The following SH2B2 variants were observed in gnomAD, a reference collection of about 807,000 sequenced individuals.
SH2B2 encodes the protein SH2B adaptor protein 2, also known as SH2B adapter protein 2.
SH2B2 carries 37 observed loss-of-function variants against 35.7 expected under a neutral mutation model. The ratio of observed to expected loss-of-function variants is 1.04; its 90% confidence interval spans 0.80 to 1.36. The LOEUF (loss-of-function observed/expected upper bound fraction) is 1.36. Among genes scored for constraint, SH2B2 ranks in the 40% most tolerant of loss-of-function variants. SH2B2 has a pLI of 0.00. For missense variants in SH2B2, 852 were observed against 817.7 expected, an observed-to-expected ratio of 1.04 and a Z score of -0.51; for synonymous variants, 383 against 376.4, an observed-to-expected ratio of 1.02 and a Z score of -0.20.
chr7:102,304,130 C>T (rs1554554425), intron 2 of SH2B2, among the ~76,000 whole-genome samples: 2 of 152,116 alleles, frequency 1.3e-5, no homozygotes, highest in Non-Finnish European at 2.9e-5. Context: ...GAATGATACC[C>T]CCACTGCCTC....
Position 102,316,834 on chromosome 7 carries a change from CA to C in SH2B2, c.1187-352del, listed in dbSNP as rs1793847380. On this transcript the variant is annotated intron_variant, in intron 6 of 8. Transcript: ENST00000444095. ...AGGAGTTTGAGACCAGCCTGACCAA[CA>C]CAGTGAAACCCCATCTCTACTAAAA... Among the ~76,000 whole-genome samples, 2 of 152,080 alleles carry C rather than the reference CA, an allele frequency of 1.3e-5. 1 individual carries two copies. The highest frequency in any genetic ancestry group is 4.2e-4 in the South Asian group (2 of 4,816).
intron 1 of SH2B2, among the ~76,000 whole-genome samples, chr7:102,298,042 G>A (rs1297637289): frequency 6.6e-6 from 1 of 152,140 alleles, no homozygotes; most frequent in African/African-American, 2.4e-5. Flanking sequence ...AGGTCCTGAG[G>A]TAGAAATTTG....
chr7:102,288,606 A>G (rs1039582157), intron 1 of SH2B2, among the ~76,000 whole-genome samples: 2 of 152,170 alleles, frequency 1.3e-5, no homozygotes, highest in Admixed American at 1.3e-4. Context: ...CTTCTATACA[A>G]ATACCCAGGG....
rs1385282723 is a variant in SH2B2, at chr7:102,286,930, A to C, written c.-194A>C. The C allele has an allele frequency of 9.6e-4, 141 of 147,192 alleles. No homozygotes were observed. The highest frequency in any genetic ancestry group is 7.0e-3 in the Middle Eastern group (2 of 286). 9.1% of individuals were successfully genotyped at this position (147,192 alleles called of 1,614,324 possible). On this transcript the variant is annotated 5_prime_UTR_variant, in exon 1 of 9. Coordinates refer to ENST00000444095, the MANE Select transcript of SH2B2 (RefSeq NM_001359228.2). ...CGGCTGCCAGAGAGCCGCGCGGGGGACGCGCCGGGACCGCGAGGAGCGCAG... is the reference window on the plus strand; with the variant it reads ...CGGCTGCCAGAGAGCCGCGCGGGGGCCGCGCCGGGACCGCGAGGAGCGCAG...
intron 7 of SH2B2, among the ~76,000 whole-genome samples, chr7:102,319,073 T>C (rs1554557702): frequency 1.3e-5 from 2 of 152,156 alleles, no homozygotes; most frequent in East Asian, 1.9e-4. Context: ...GATAAGTAAA[T>C]GGTGGGACAA....
intron 2 of SH2B2, among the ~76,000 whole-genome samples, chr7:102,306,139 T>C (rs1450860422): frequency 6.6e-6 from 1 of 151,866 alleles, no homozygotes; most frequent in Non-Finnish European, 1.5e-5. Flanking sequence ...CAGGCTGGAG[T>C]GCAATGGCGC....
rs190637013 is a variant in SH2B2, at chr7:102,320,065, G to A, written c.1396-266G>A. On this transcript the variant is annotated intron_variant, in intron 7 of 8. Transcript: ENST00000444095. ...TCCCTATCTTCTGGCATTAGGGAGG[G>A]GATTAGAGATTATAGGTGTGTAGGG... Among the ~76,000 whole-genome samples the A allele has an allele frequency of 1.3e-4, 20 of 152,270 alleles. No individual in the cohort carries two copies. The East Asian group carries it at 3.7e-3, about 28-fold the overall frequency.
intron 1 of SH2B2, among the ~76,000 whole-genome samples, chr7:102,288,445 G>C (rs534683722): frequency 1.3e-5 from 2 of 152,088 alleles, no homozygotes; most frequent in Non-Finnish European, 2.9e-5. Context: ...GCCCCACCCC[G>C]TGGCAGGCCG....
chr7:102,315,082 G>A (rs1042210898), intron 6 of SH2B2, among the ~76,000 whole-genome samples: 1,625 of 152,144 alleles, frequency 0.011, 28 homozygotes, highest in African/African-American at 0.036. Flanking sequence ...ACAGCTACTC[G>A]GGAGGCTGAG....
intron 8 of SH2B2, 64 bp from the exon 9 acceptor site, chr7:102,321,235 G>T: frequency 1.6e-6 from 2 of 1,274,494 alleles, no homozygotes; most frequent in Non-Finnish European, 2.0e-6. Context: ...GAGGGATCCC[G>T]GCCTCCCTGC....
intron 7 of SH2B2, among the ~76,000 whole-genome samples, chr7:102,319,673 AG>A (rs1793980293): frequency 6.6e-6 from 1 of 151,834 alleles, no homozygotes; most frequent in African/African-American, 2.4e-5. Context: ...TTGTTTCTGC[AG>A]TGGGATACAT....
chr7:102,310,960 T>A (rs1204793759), intron 4 of SH2B2, among the ~76,000 whole-genome samples: 1 of 152,224 alleles, frequency 6.6e-6, no homozygotes, highest in East Asian at 1.9e-4. Flanking sequence ...CAGTGGGGAC[T>A]GTCCACTCAG....
rs1257927900 is a variant in SH2B2 at position 102,317,207 on chromosome 7, G to T, written c.1207G>T (p.Asp403Tyr). The T allele has an allele frequency of 1.2e-6, 2 of 1,606,462 alleles. No homozygotes were observed. Among genetic ancestry groups the T allele is most frequent in the African/African-American group, 2.7e-5 (2 of 74,758 alleles). Residue 403 changes from aspartate (D) to tyrosine (Y), a missense_variant, in exon 7 of 9, where the codon GAT (aspartate) becomes TAT (tyrosine). By Grantham distance (160) the Asp-to-Tyr change is radical. Around this residue, in one of 3 missense-constraint regions of SH2B2, gnomAD observed 556 missense variants for 514.5 expected, o/e 1.08. Transcript: ENST00000444095. ...NNTGEQGAET[D>Y]PEAEPELELS... is the part of the protein sequence containing the mutation. ...CTCAGGGGAACAGGGTGCAGAGACGGATCCCGAGGCTGAACCCGAGCTGGA... is the reference window on the plus strand; with the variant it reads ...CTCAGGGGAACAGGGTGCAGAGACGTATCCCGAGGCTGAACCCGAGCTGGA...
At chr7:102,313,006 G>C (rs996964613) in intron 4 of SH2B2, among the ~76,000 whole-genome samples, 1 of 151,830 alleles carries the variant, frequency 6.6e-6, no homozygotes, top group Non-Finnish European at 1.5e-5. Flanking sequence ...GTACATGCCT[G>C]TAATATCAGC....
rs527652040 is a variant in SH2B2 at position 102,319,198 on chromosome 7, T to C, written c.1396-1133T>C. Among the ~76,000 whole-genome samples, 25 of 152,316 alleles carry C rather than the reference T, an allele frequency of 1.6e-4. 1 individual carries two copies. The South Asian group carries it at 1.7e-3, about 10-fold the overall frequency. The stretch of plus-strand genomic sequence containing the variant: ...AATGTCTGGAAGGTCTGGCAGAAGA[T>C]TGGGATGCGTCCAACTTGCTTCTTC... On this transcript the variant is annotated intron_variant, in intron 7 of 8. Transcript: ENST00000444095.
chr7:102,313,477 G>C (rs1371584071), intron 4 of SH2B2, among the ~76,000 whole-genome samples: 4 of 151,874 alleles, frequency 2.6e-5, no homozygotes, highest in Non-Finnish European at 5.9e-5. Flanking sequence ...AAAAAGATGG[G>C]GGTCTCGCTA....
chr7:102,321,221 C>A, intron 8 of SH2B2, 78 bp from the exon 9 acceptor site: 1 of 1,213,502 alleles, frequency 8.2e-7, no homozygotes, highest in African/African-American at 1.6e-5. Flanking sequence ...GGCCCTGGCC[C>A]CTTGAGGGAT....
intron 1 of SH2B2, among the ~76,000 whole-genome samples, chr7:102,299,422 C>G (rs1554553132): frequency 1.3e-5 from 2 of 150,998 alleles, no homozygotes; most frequent in African/African-American, 4.9e-5. Flanking sequence ...TGGTCTCAAT[C>G]TCTTGACCTC....
chr7:102,316,887 T>C (rs185981906), intron 6 of SH2B2, among the ~76,000 whole-genome samples: 41 of 151,786 alleles, frequency 2.7e-4, no homozygotes, highest in Middle Eastern at 6.9e-3. Flanking sequence ...GGTGTGGTGG[T>C]GGGCGCCTGT....
Sources: gnomAD v4.1 joint callset for allele counts (sites outside exome capture counted in the v4.1 genomes callset) on GRCh38, gnomAD v4.1.1 for gene constraint, gnomAD v4.1.1 regional missense constraint, MANE v1.5 for transcripts, NCBI Gene and HGNC (gene_info 2026-07-23, HGNC 2026-07-21) for gene names.